The following RNF111 variants were observed in gnomAD, a reference collection of about 807,000 sequenced individuals.
RNF111 encodes ring finger protein 111.
A neutral mutation model predicts 95.1 loss-of-function variants in RNF111; 17 were observed. The ratio of observed to expected loss-of-function variants is 0.18; its 90% confidence interval spans 0.12 to 0.27. The LOEUF is 0.27. Among genes scored for constraint, RNF111 ranks in the 10% least tolerant of loss-of-function variants. RNF111 has a pLI of 1.00. For missense variants in RNF111, 1,189 were observed against 1,210.4 expected, an observed-to-expected ratio of 0.98 and a Z score of 0.26; for synonymous variants, 440 against 414.8, an observed-to-expected ratio of 1.06 and a Z score of -0.74.
chr15:59,031,792 AG>A (rs1214929462), intron 2 of RNF111, 90 bp downstream of exon 2: 2 of 1,097,162 alleles, frequency 1.8e-6, no homozygotes, highest in Non-Finnish European at 2.7e-6. Flanking sequence ...TTTTATTTAA[AG>A]GGACTATCAG....
intron 5 of RNF111, among the ~76,000 whole-genome samples, chr15:59,059,603 G>A (rs2042348912): frequency 6.6e-6 from 1 of 152,162 alleles, no homozygotes; most frequent in Non-Finnish European, 1.5e-5. Flanking sequence ...TGGTCTGTTG[G>A]TGTCATATCT....
intron 5 of RNF111, among the ~76,000 whole-genome samples, chr15:59,063,311 TATC>T (rs1265937793): frequency 2.0e-5 from 3 of 152,236 alleles, no homozygotes; most frequent in African/African-American, 7.2e-5. Context: ...ACCTTTGTAT[TATC>T]CAGTGCCTTT....
At chr15:59,090,940 C>A in intron 11 of RNF111, 119 bp from the exon 12 acceptor site, 1 of 566,262 alleles carries the variant, frequency 1.8e-6, no homozygotes, top group Non-Finnish European at 3.2e-6. Context: ...TTTTTTTGAA[C>A]ACTGTATTTA....
At chr15:59,051,563 G>C (rs2041984770) in intron 2 of RNF111, among the ~76,000 whole-genome samples, 1 of 151,906 alleles carries the variant, frequency 6.6e-6, no homozygotes, top group Non-Finnish European at 1.5e-5. Context: ...ATCACTTAAG[G>C]TTAGAATTTC....
At chr15:59,084,806 C>G (rs1677644584) in intron 9 of RNF111, among the ~76,000 whole-genome samples, 1 of 152,066 alleles carries the variant, frequency 6.6e-6, no homozygotes, top group Non-Finnish European at 1.5e-5. Flanking sequence ...TGGTAAACAA[C>G]ATGCTACTCT....
At chr15:59,012,070 A>T (rs1355399757) in intron 1 of RNF111, among the ~76,000 whole-genome samples, 1 of 118,138 alleles carries the variant, frequency 8.5e-6, no homozygotes, top group African/African-American at 3.2e-5. Flanking sequence ...GCGGGAATGC[A>T]GTGAGTGGTG....
chr15:59,063,997 C>A (rs890451692), intron 5 of RNF111, among the ~76,000 whole-genome samples: 20 of 151,910 alleles, frequency 1.3e-4, no homozygotes, highest in Admixed American at 2.6e-4. Flanking sequence ...AAGATAAAAC[C>A]CTGAAAATGC....
chr15:59,052,181 T>C, intron 2 of RNF111, 124 bp from the exon 3 acceptor site: 1 of 866,788 alleles, frequency 1.2e-6, no homozygotes, highest in Non-Finnish European at 1.7e-6. Flanking sequence ...AAAAAACCTT[T>C]TTGACAGATA....
intron 1 of RNF111, among the ~76,000 whole-genome samples, chr15:59,027,797 T>C (rs1341228055): frequency 6.6e-6 from 1 of 151,576 alleles, no homozygotes; most frequent in Non-Finnish European, 1.5e-5. Flanking sequence ...CCTCCCAAAG[T>C]GGTGGGATTA....
rs140473663 is a variant in RNF111 at position 58,991,717 on chromosome 15, A to G, written c.-20+3649A>G. On this transcript the variant is annotated intron_variant, in intron 1 of 13. Transcript: ENST00000348370. ...GGTGAGGTTTGATTCTAGAGAATCT[A>G]CAAATGTAAATTAATTATTTGGTTT... 3.6e-3 allele frequency among the ~76,000 whole-genome samples: 553 copies of G among 152,370 alleles called. 5 individuals carry two copies. The highest frequency in any genetic ancestry group is 0.013 in the African/African-American group (529 of 41,600).
chr15:58,991,526 A>G (rs2038816737), intron 1 of RNF111, among the ~76,000 whole-genome samples: 1 of 152,160 alleles, frequency 6.6e-6, no homozygotes. Context: ...AAATAGGACC[A>G]TGTGATACGG....
rs1161545134 is a variant in RNF111 at position 59,076,210 on chromosome 15, C to T, written c.1943C>T (p.Pro648Leu). ...SLSSCRHYMP[P>L]PYASLTRPLH... The stretch of plus-strand genomic sequence containing the variant: ...TCATCATGTCGACATTACATGCCAC[C>T]CCCTTGTAAGTATATACTTAGTGGA... The change falls in exon 7 of 14, where the codon CCC becomes CTC. Residue 648 changes from proline to leucine, a missense_variant. Physicochemically the swap from Pro to Leu is moderately conservative, Grantham distance 98 (BLOSUM62 -3). Around this residue, in one of 2 missense-constraint regions of RNF111, gnomAD observed 1,024 missense variants for 925.9 expected, o/e 1.11. Coordinates refer to ENST00000348370, the MANE Select transcript of RNF111 (RefSeq NM_017610.8). 1.2e-6 allele frequency: 2 copies of T among 1,612,942 alleles called. No individual in the cohort carries two copies. The highest frequency in any genetic ancestry group is 2.7e-5 in the African/African-American group (2 of 74,916).
chr15:59,008,726 C>T (rs1481039885), intron 1 of RNF111, among the ~76,000 whole-genome samples: 2 of 151,998 alleles, frequency 1.3e-5, no homozygotes, highest in Non-Finnish European at 2.9e-5. Flanking sequence ...CTTTTCCTGC[C>T]TCCTTTTGGA....
chr15:59,078,128 C>G (rs2078620957), intron 7 of RNF111, among the ~76,000 whole-genome samples: 2 of 152,170 alleles, frequency 1.3e-5, no homozygotes, highest in Admixed American at 6.5e-5. Context: ...GTTATTTAAT[C>G]TCTCTGTCCT....
Position 58,987,763 on chromosome 15 carries a change from CGAG to C in RNF111, c.-320_-318del, listed in dbSNP as rs2038630657. ...GGAGCAGCGGCAGTGGCGGCGACGG[CGAG>C]GAGGTGTTCGGTTTGCGCAGCGTAG... On this transcript the variant is annotated 5_prime_UTR_variant, in exon 1 of 14. Coordinates refer to ENST00000348370, the MANE Select transcript of RNF111 (RefSeq NM_017610.8). 1.7e-5 allele frequency: 3 copies of C among 175,188 alleles called. No individual in the cohort carries two copies. The highest frequency in any genetic ancestry group is 7.2e-5 in the African/African-American group (3 of 41,648). 10.9% of individuals were successfully genotyped at this position (175,188 alleles called of 1,614,324 possible).
chr15:59,095,874 G>C lies in RNF111; in HGVS notation c.*974G>C. 2.5e-6 allele frequency: 1 copy of C among 396,322 alleles called. No homozygotes were observed. Among genetic ancestry groups the C allele is most frequent in the Non-Finnish European group, 4.4e-6 (1 of 224,788 alleles). 24.6% of individuals were successfully genotyped at this position (396,322 alleles called of 1,614,324 possible). ...GAATTTAAGTCACTGGCAGGTATCTGTGCATTCATAGAACTTATAAAGGTC... is the reference window on the plus strand; with the variant it reads ...GAATTTAAGTCACTGGCAGGTATCTCTGCATTCATAGAACTTATAAAGGTC... On this transcript the variant is annotated 3_prime_UTR_variant, in exon 14 of 14. Coordinates refer to ENST00000348370, the MANE Select transcript of RNF111 (RefSeq NM_017610.8).
chr15:59,036,036 A>G (rs2041159942), intron 2 of RNF111, among the ~76,000 whole-genome samples: 4 of 152,196 alleles, frequency 2.6e-5, no homozygotes, highest in South Asian at 2.1e-4. Context: ...TGTTGCTAAT[A>G]AAGACATACC....
Position 59,042,378 on chromosome 15 carries a change from G to A in RNF111, c.881-9927G>A, listed in dbSNP as rs1319613424. Among the ~76,000 whole-genome samples the A allele has an allele frequency of 3.3e-5, 5 of 152,038 alleles. No homozygotes were observed. In the East Asian group the frequency reaches 5.8e-4, roughly 18 times the overall value. ...CTGAGCTCAAGTGATCCACCCGCTC[G>A]GCCTCACAAGGTGCTGGGATTATAG... On this transcript the variant is annotated intron_variant, in intron 2 of 13. Coordinates refer to ENST00000348370, the MANE Select transcript of RNF111 (RefSeq NM_017610.8).
At chr15:59,031,857 C>T (rs540158182) in intron 2 of RNF111, among the ~76,000 whole-genome samples, 155 bp downstream of exon 2, 2 of 152,106 alleles carry the variant, frequency 1.3e-5, no homozygotes, top group Non-Finnish European at 2.9e-5. Context: ...CAGTATTAAA[C>T]CATGACTCTA....
Sources: gnomAD v4.1 joint callset for allele counts (sites outside exome capture counted in the v4.1 genomes callset) on GRCh38, gnomAD v4.1.1 for gene constraint, gnomAD v4.1.1 regional missense constraint, MANE v1.5 for transcripts, NCBI Gene and HGNC (gene_info 2026-07-23, HGNC 2026-07-21) for gene names.